POLE2: variants seen among roughly 807,000 people sequenced by gnomAD.
POLE2 encodes DNA polymerase epsilon subunit 2.
Under a neutral mutation model 79.4 loss-of-function variants are expected in POLE2, and 56 were observed. The observed-to-expected ratio is 0.71, with a 90% CI of 0.57 to 0.88. The LOEUF (loss-of-function observed/expected upper bound fraction) is 0.88, where lower values mean the gene tolerates loss of function less well. Among genes scored for constraint, POLE2 ranks in the 40% least tolerant of loss-of-function variants. The pLI, the probability that POLE2 is intolerant of heterozygous loss-of-function variation, is 0.00. For synonymous variants in POLE2, 212 were observed against 214.0 expected (o/e 0.99, Z 0.08); for missense variants, 598 against 638.9 (o/e 0.94, Z 0.69).
Position 49,655,032 on chromosome 14 carries a change from C to T in POLE2, c.991G>A (p.Gly331Arg). 6.3e-7 allele frequency: 1 copy of T among 1,577,434 alleles called. No individual in the cohort carries two copies. The highest frequency in any genetic ancestry group is 8.6e-7 in the Non-Finnish European group (1 of 1,160,902). The change falls in exon 12 of 19, where the codon GGA becomes AGA. Residue 331 changes from glycine to arginine, a missense_variant. Coordinates refer to ENST00000216367, the MANE Select transcript of POLE2 (RefSeq NM_002692.4). ...LCGNFSSAPYGKNQVQALKDS... is the reference protein window; with the variant it reads ...LCGNFSSAPYRKNQVQALKDS... The stretch of plus-strand genomic sequence containing the variant: ...TTCAAAGCTTGAACTTGATTTTTTC[C>T]ATATGGTGCAGATGAAAAATTACCA...
In POLE2 at chr14:49,643,671, C is replaced by T. The variant is rs181209280; in HGVS notation, c.1566-1G>A. 1.4e-6 allele frequency: 2 copies of T among 1,383,828 alleles called. No individual in the cohort carries two copies. The highest frequency in any genetic ancestry group is 1.3e-5 in the South Asian group (1 of 79,646). The allele number at this position is 1,383,828 out of a possible 1,614,324, so 85.7% of individuals were successfully genotyped here. ...AGAATCTCAAAAGCCTTGAAGTTTG[C>T]TGAAAATAGAAAAAAAAATTAAATA... On this transcript the variant is annotated splice_acceptor_variant, in intron 18 of 18. Coordinates refer to ENST00000216367, the MANE Select transcript of POLE2 (RefSeq NM_002692.4). LOFTEE classifies it high-confidence loss of function.
At chr14:49,682,843 T>C (rs915364828) in intron 2 of POLE2, among the ~76,000 whole-genome samples, 3 of 151,572 alleles carry the variant, frequency 2.0e-5, no homozygotes, top group African/African-American at 7.3e-5. Context: ...AAAAAATCCC[T>C]GAAGAAATCA....
Position 49,674,109 on chromosome 14 carries a change from C to G in POLE2, c.417+14G>C. 6.7e-7 allele frequency: 1 copy of G among 1,481,628 alleles called. No individual in the cohort carries two copies. The highest frequency in any genetic ancestry group is 9.4e-7 in the Non-Finnish European group (1 of 1,059,182). 91.8% of individuals were successfully genotyped at this position (1,481,628 alleles called of 1,614,324 possible). A position where few individuals can be genotyped will look rare whatever the true frequency, so the allele number is the denominator to read the frequency against. ...TTACCCAGTATCCTCCCCTCCGCCCCCTACCAAACTTACCTGGTGCAAAAT... is the reference window on the plus strand; with the variant it reads ...TTACCCAGTATCCTCCCCTCCGCCCGCTACCAAACTTACCTGGTGCAAAAT... On this transcript the variant is annotated intron_variant, in intron 5 of 18. Transcript: ENST00000216367.
At chr14:49,687,294 C>T (rs1383526007) in intron 1 of POLE2, among the ~76,000 whole-genome samples, 27 of 114,824 alleles carry the variant, frequency 2.4e-4, no homozygotes, top group African/African-American at 8.2e-4. Flanking sequence ...TATATATACA[C>T]ACACACCACA....
intron 2 of POLE2, among the ~76,000 whole-genome samples, chr14:49,682,640 GAAAAAAAAAAAAAAA>G (rs35984833): frequency 4.9e-5 from 3 of 60,976 alleles, no homozygotes; most frequent in South Asian, 1.2e-3. Flanking sequence ...CCTTCTCAGG[GAAAAAAAAAAAAAAA>G]AAAAAAAAAA....
intron 15 of POLE2, among the ~76,000 whole-genome samples, chr14:49,651,971 G>A (rs930655643): frequency 4.6e-5 from 7 of 152,108 alleles, no homozygotes; most frequent in African/African-American, 1.7e-4. Flanking sequence ...AGTAAATGGG[G>A]AGGAGAGGAA....
intron 10 of POLE2, among the ~76,000 whole-genome samples, chr14:49,658,345 G>C (rs1015336445): frequency 1.3e-5 from 2 of 152,098 alleles, no homozygotes; most frequent in Non-Finnish European, 2.9e-5. Context: ...CAAAGTACTG[G>C]GATTACAGGC....
intron 7 of POLE2, among the ~76,000 whole-genome samples, chr14:49,665,427 C>G (rs547243664): frequency 6.6e-6 from 1 of 152,274 alleles, no homozygotes; most frequent in South Asian, 2.1e-4. Context: ...TGATGTCTGC[C>G]ATAAGGAGGG....
chr14:49,675,088 ATTT>A lies in POLE2; in HGVS notation c.246-664_246-662del, dbSNP rs34418737. On this transcript the variant is annotated intron_variant, in intron 3 of 18. Coordinates refer to ENST00000216367, the MANE Select transcript of POLE2 (RefSeq NM_002692.4). ...ATGTACTACTCTTATGAGCTACAGT[ATTT>A]TTTTTTTTTTGAGACAGAGTTTCAC... 4.1e-5 allele frequency among the ~76,000 whole-genome samples: 6 copies of A among 147,140 alleles called. No individual in the cohort carries two copies. The East Asian group carries it at 9.9e-4, about 24-fold the overall frequency.
At chr14:49,672,727 G>T in intron 5 of POLE2, among the ~76,000 whole-genome samples, 1 of 152,172 alleles carries the variant, frequency 6.6e-6, no homozygotes, top group Middle Eastern at 3.4e-3. Context: ...TCGAAATCCC[G>T]ACCTCAGGTG....
intron 9 of POLE2, 41 bp downstream of exon 9, chr14:49,664,585 G>C (rs1456620516): frequency 1.6e-6 from 2 of 1,253,452 alleles, no homozygotes; most frequent in African/African-American, 3.0e-5. Context: ...AGTTTTACTG[G>C]AGAATGAGAA....
intron 10 of POLE2, among the ~76,000 whole-genome samples, chr14:49,660,859 C>A (rs185529177): frequency 6.4e-4 from 97 of 152,280 alleles, no homozygotes; most frequent in Admixed American, 1.2e-3. Flanking sequence ...CCATTGCACT[C>A]CAGCCTGGGC....
chr14:49,650,758 G>A (rs1458551054), intron 16 of POLE2, among the ~76,000 whole-genome samples: 1 of 152,008 alleles, frequency 6.6e-6, no homozygotes, highest in Non-Finnish European at 1.5e-5. Flanking sequence ...CACTGCACCT[G>A]GTCCATAAAC....
chr14:49,659,067 T>C (rs1320508356), intron 10 of POLE2, among the ~76,000 whole-genome samples: 1 of 152,210 alleles, frequency 6.6e-6, no homozygotes, highest in Admixed American at 6.5e-5. Context: ...TGTATAGGCC[T>C]AGGTTAATAC....
At chr14:49,653,957 G>T in intron 15 of POLE2, 33 bp downstream of exon 15, 1 of 1,301,762 alleles carries the variant, frequency 7.7e-7, no homozygotes, top group Non-Finnish European at 1.1e-6. Context: ...TAAATGAAAG[G>T]AAAAATGTAT....
At position 49,677,014 on chromosome 14, in the gene POLE2, G is replaced by T. The variant is rs116727544; in HGVS notation, c.246-2587C>A. Reference sequence around the variant, plus strand: ...CATGCACTGTGTGCCTGCTCTTAGGGAAATGTCATCATTGACAATAGCTAT... The same window carrying T: ...CATGCACTGTGTGCCTGCTCTTAGGTAAATGTCATCATTGACAATAGCTAT... On this transcript the variant is annotated intron_variant, in intron 3 of 18. Coordinates refer to ENST00000216367, the MANE Select transcript of POLE2 (RefSeq NM_002692.4). 5.9e-3 allele frequency among the ~76,000 whole-genome samples: 905 copies of T among 152,352 alleles called. 13 individuals are homozygous for T. Among genetic ancestry groups the T allele is most frequent in the African/African-American group, 0.02 (841 of 41,580 alleles).
chr14:49,667,318 T>C (rs1310098381), intron 6 of POLE2, among the ~76,000 whole-genome samples: 1 of 152,144 alleles, frequency 6.6e-6, no homozygotes, highest in Non-Finnish European at 1.5e-5. Context: ...TCATAGTATA[T>C]GTACTATTCT....
intron 5 of POLE2, among the ~76,000 whole-genome samples, chr14:49,672,539 G>C (rs1215023023): frequency 7.0e-6 from 1 of 142,190 alleles, no homozygotes; most frequent in African/African-American, 2.6e-5. Context: ...CGCTCTTGTT[G>C]CCCAGGCTGG....
At chr14:49,683,558 T>A in intron 2 of POLE2, 35 bp downstream of exon 2, 3 of 947,672 alleles carry the variant, frequency 3.2e-6, no homozygotes, top group Non-Finnish European at 5.1e-6. Context: ...AGAACTATAT[T>A]AACAATTTAG....
Sources: allele counts gnomAD v4.1 joint callset (sites outside exome capture counted in the v4.1 genomes callset), GRCh38; gene constraint gnomAD v4.1.1; transcripts MANE v1.5; gene names NCBI Gene and HGNC (gene_info 2026-07-23, HGNC 2026-07-21).